The following EPB41L2 variants were observed in gnomAD, a reference collection of about 807,000 sequenced individuals.
EPB41L2 encodes erythrocyte membrane protein band 4.1 like 2.
In EPB41L2, 43 loss-of-function variants were observed where a neutral mutation model predicts 113.0. The ratio of observed to expected loss-of-function variants is 0.38; its 90% CI spans 0.30 to 0.49. The LOEUF (loss-of-function observed/expected upper bound fraction) is 0.49. EPB41L2 is among the 20% of genes least tolerant of loss of function. EPB41L2 has a pLI of 0.95. For missense variants in EPB41L2, 1,147 were observed against 1,223.4 expected (o/e 0.94, Z 0.93); for synonymous variants, 442 against 436.7 (o/e 1.01, Z -0.15).
chr6:130,890,209 G>A, intron 11 of EPB41L2, 85 bp downstream of exon 11: 1 of 1,391,088 alleles, frequency 7.2e-7, no homozygotes, highest in Non-Finnish European at 9.6e-7. Context: ...ATTTCTGGTG[G>A]CTTTATTAAC....
rs569601801 is a variant in EPB41L2 at position 130,862,681 on chromosome 6, T to C, written c.2910+957A>G. On this transcript the variant is annotated intron_variant, in intron 18 of 19. Transcript: ENST00000337057. ...AAATTTTAAAAGTACATTACGAATA[T>C]GTAAGTCAAATCATACTTACAAAGG... Among the ~76,000 whole-genome samples, 85 of 152,368 alleles carry C rather than the reference T, an allele frequency of 5.6e-4. 1 individual carries two copies. In the South Asian group the frequency reaches 0.016, roughly 29 times the overall value.
intron 3 of EPB41L2, among the ~76,000 whole-genome samples, chr6:130,930,249 A>G (rs1180997688): frequency 6.6e-6 from 1 of 152,162 alleles, no homozygotes; most frequent in African/African-American, 2.4e-5. Flanking sequence ...TTTTAATACA[A>G]CATTTACTAA....
At chr6:130,895,706 G>A (rs1345300433) in intron 8 of EPB41L2, among the ~76,000 whole-genome samples, 2 of 152,158 alleles carry the variant, frequency 1.3e-5, no homozygotes, top group African/African-American at 4.8e-5. Flanking sequence ...TTAGAATGCT[G>A]ACATCCAGTT....
At chr6:130,960,837 T>C (rs1178888628) in intron 1 of EPB41L2, among the ~76,000 whole-genome samples, 1 of 152,146 alleles carries the variant, frequency 6.6e-6, no homozygotes, top group Non-Finnish European at 1.5e-5. Context: ...CCCATGAAAA[T>C]GAGAACTCTT....
At chr6:131,020,092 G>A (rs1789101668) in intron 1 of EPB41L2, among the ~76,000 whole-genome samples, 1 of 151,962 alleles carries the variant, frequency 6.6e-6, no homozygotes, top group African/African-American at 2.4e-5. Context: ...TAACATAGAT[G>A]TATATATTTA....
rs924602433 is a variant in EPB41L2 at position 130,949,350 on chromosome 6, C to T, written c.705+5755G>A. ...GAGACAGTGGCTCATGCCTGTAATCCCAGCACCTTGGGAGGCCAAGGAGGG... is the reference window on the plus strand; with the variant it reads ...GAGACAGTGGCTCATGCCTGTAATCTCAGCACCTTGGGAGGCCAAGGAGGG... On this transcript the variant is annotated intron_variant, in intron 3 of 19. Coordinates refer to ENST00000337057, the MANE Select transcript of EPB41L2 (RefSeq NM_001431.4). Among the ~76,000 whole-genome samples the T allele has an allele frequency of 2.6e-5, 4 of 152,018 alleles. No individual in the cohort carries two copies. In the East Asian group the frequency reaches 7.7e-4, roughly 29 times the overall value.
chr6:130,965,168 A>G (rs1774736178), intron 1 of EPB41L2, among the ~76,000 whole-genome samples: 1 of 152,214 alleles, frequency 6.6e-6, no homozygotes, highest in East Asian at 1.9e-4. Flanking sequence ...AGTACTCTCA[A>G]AGCATATGCA....
intron 1 of EPB41L2, among the ~76,000 whole-genome samples, chr6:131,005,809 A>G (rs1785371714): frequency 6.6e-6 from 1 of 152,208 alleles, no homozygotes; most frequent in Non-Finnish European, 1.5e-5. Flanking sequence ...ACAAATACAC[A>G]GTAAACACAC....
At chr6:130,995,939 AAT>A (rs1782993994) in intron 1 of EPB41L2, among the ~76,000 whole-genome samples, 1 of 152,186 alleles carries the variant, frequency 6.6e-6, no homozygotes, top group Non-Finnish European at 1.5e-5. Context: ...ATATAAATTC[AAT>A]AGCACAGTTA....
chr6:131,030,738 G>T (rs541188940), intron 1 of EPB41L2, among the ~76,000 whole-genome samples: 2 of 152,086 alleles, frequency 1.3e-5, no homozygotes, highest in East Asian at 3.9e-4. Context: ...AATTAATTGC[G>T]GTCCTCTGCC....
At chr6:131,026,169 T>C (rs1302198743) in intron 1 of EPB41L2, among the ~76,000 whole-genome samples, 1 of 152,232 alleles carries the variant, frequency 6.6e-6, no homozygotes, top group African/African-American at 2.4e-5. Context: ...ACTAGATTCA[T>C]TTTATTGAAG....
chr6:131,046,410 C>T (rs547641140), intron 1 of EPB41L2, among the ~76,000 whole-genome samples: 87 of 152,204 alleles, frequency 5.7e-4, no homozygotes, highest in African/African-American at 2.0e-3. Context: ...GAGGCTAGAA[C>T]AATTGTCTTT....
In EPB41L2 at chr6:130,889,114, A is replaced by G. The variant is rs3777444; in HGVS notation, c.1660+1180T>C. Among the ~76,000 whole-genome samples the G allele has an allele frequency of 0.02, 2,988 of 152,164 alleles. 184 individuals are homozygous for G. In the East Asian group the frequency reaches 0.26, roughly 13 times the overall value. The stretch of plus-strand genomic sequence containing the variant: ...TTCAGAAAAATACAATAGACAAGAA[A>G]AAATGTTTCTGCTAATAACTAGTAG... On this transcript the variant is annotated intron_variant, in intron 11 of 19. Coordinates refer to ENST00000337057, the MANE Select transcript of EPB41L2 (RefSeq NM_001431.4).
intron 1 of EPB41L2, among the ~76,000 whole-genome samples, chr6:131,057,882 G>C (rs1158673683): frequency 6.6e-6 from 1 of 152,162 alleles, no homozygotes; most frequent in Non-Finnish European, 1.5e-5. Flanking sequence ...AAACCACTTT[G>C]GGAGCCTTTC....
intron 1 of EPB41L2, among the ~76,000 whole-genome samples, chr6:131,004,051 G>A (rs759909902): frequency 3.3e-5 from 5 of 152,196 alleles, no homozygotes; most frequent in Admixed American, 6.5e-5. Flanking sequence ...GATCATCCTT[G>A]GAAGGCCAAA....
At chr6:131,029,248 C>T (rs1293534278) in intron 1 of EPB41L2, among the ~76,000 whole-genome samples, 2 of 152,086 alleles carry the variant, frequency 1.3e-5, no homozygotes, top group African/African-American at 4.8e-5. Context: ...CTTACAACTT[C>T]CTCCTTTAGT....
At chr6:130,906,923 A>C (rs2128507092) in intron 5 of EPB41L2, among the ~76,000 whole-genome samples, 1 of 152,190 alleles carries the variant, frequency 6.6e-6, no homozygotes, top group East Asian at 1.9e-4. Context: ...GTCTAATCTT[A>C]CTGTTACTCA....
chr6:131,033,789 G>A (rs575812733), intron 1 of EPB41L2, among the ~76,000 whole-genome samples: 9 of 152,324 alleles, frequency 5.9e-5, no homozygotes, highest in Admixed American at 5.2e-4. Context: ...CAAGGAAAAA[G>A]GAAGAGGAGT....
chr6:130,931,451 G>A (rs1023828299), intron 3 of EPB41L2, among the ~76,000 whole-genome samples: 1 of 151,980 alleles, frequency 6.6e-6, no homozygotes, highest in Non-Finnish European at 1.5e-5. Context: ...TGCTTTGGAG[G>A]CTTATTCAAA....
Sources: gnomAD v4.1 joint callset for allele counts (sites outside exome capture counted in the v4.1 genomes callset) on GRCh38, gnomAD v4.1.1 for gene constraint, MANE v1.5 for transcripts, NCBI Gene and HGNC (gene_info 2026-07-23, HGNC 2026-07-21) for gene names.